Variants in SLC16A1 observed in about 807,000 individuals in gnomAD.
The protein encoded by SLC16A1 is solute carrier family 16 member 1.
Under a neutral mutation model 32.2 loss-of-function variants are expected in SLC16A1, and 11 were observed. That is an observed-to-expected ratio of 0.34 (90% CI 0.21 to 0.56). The LOEUF (loss-of-function observed/expected upper bound fraction) is 0.56, where lower values mean the gene tolerates loss of function less well. SLC16A1 is among the 20% of genes least tolerant of loss of function. The pLI is 0.87. For missense variants in SLC16A1, 435 were observed against 615.0 expected, an observed-to-expected ratio of 0.71 and a Z score of 3.10; for synonymous variants, 231 against 226.8, an observed-to-expected ratio of 1.02 and a Z score of -0.17.
chr1:112,948,236 G>GA (rs907732502), intron 1 of SLC16A1, among the ~76,000 whole-genome samples: 17 of 145,912 alleles, frequency 1.2e-4, no homozygotes, highest in East Asian at 4.0e-4. Flanking sequence ...CGGCGGGGGA[G>GA]AAAAAAAAAA....
intron 2 of SLC16A1, chr1:112,923,586 C>T: frequency 7.4e-7 from 1 of 1,358,486 alleles, no homozygotes; most frequent in South Asian, 1.2e-5. Context: ...CAAGGCCAAT[C>T]CATTGTTTGG....
Position 112,913,597 on chromosome 1 carries a change from AC to A in SLC16A1, c.*293del, listed in dbSNP as rs1246578515. 1 of 400,092 alleles carries A rather than the reference AC, an allele frequency of 2.5e-6. No individual in the cohort carries two copies. The highest frequency in any genetic ancestry group is 4.9e-5 in the East Asian group (1 of 20,322). The allele number at this position is 400,092 out of a possible 1,614,324, so 24.8% of individuals were successfully genotyped here. ...GTTAAGGCTCTCTAGAGTTCTAAAG[AC>A]TAAAACTTAAGGCACATATTATAAT... On this transcript the variant is annotated 3_prime_UTR_variant, in exon 5 of 5. Coordinates refer to ENST00000369626, the MANE Select transcript of SLC16A1 (RefSeq NM_003051.4).
chr1:112,923,392 C>T (rs755798822), intron 2 of SLC16A1: 25 of 614,284 alleles, frequency 4.1e-5, no homozygotes, highest in African/African-American at 5.4e-5. Flanking sequence ...ACGTTGCTCC[C>T]GGGCTGTCGC....
At chr1:112,924,453 G>A (rs886742331) in intron 2 of SLC16A1, 14 of 811,354 alleles carry the variant, frequency 1.7e-5, no homozygotes, top group Non-Finnish European at 2.9e-5. Context: ...GAAGTATTTG[G>A]ACAAAAACCT....
chr1:112,945,546 G>A (rs1319521675), intron 1 of SLC16A1, among the ~76,000 whole-genome samples: 1 of 151,152 alleles, frequency 6.6e-6, no homozygotes, highest in African/African-American at 2.4e-5. Flanking sequence ...ATGGTGGCGG[G>A]TGCCTGTAAT....
At chr1:112,920,985 C>T (rs1648706103) in intron 3 of SLC16A1, among the ~76,000 whole-genome samples, 1 of 151,526 alleles carries the variant, frequency 6.6e-6, no homozygotes, top group Non-Finnish European at 1.5e-5. Context: ...AAAAAAAATA[C>T]AAAAAATTAG....
Position 112,914,194 on chromosome 1 carries a change from G to T in SLC16A1, c.1229-29C>A, listed in dbSNP as rs758586702. The T allele has an allele frequency of 5.0e-6, 8 of 1,613,388 alleles. No individual in the cohort carries two copies. In the South Asian group the frequency reaches 8.8e-5, roughly 18 times the overall value. On this transcript the variant is annotated intron_variant, in intron 4 of 4. Transcript: ENST00000369626. ...AATATGTAAAACAACACAAACAGTT[G>T]TTTCTAAGAGTAAACAGTTTTTTTT...
intron 2 of SLC16A1, among the ~76,000 whole-genome samples, chr1:112,923,171 T>C (rs961228538): frequency 1.3e-5 from 2 of 151,510 alleles, no homozygotes; most frequent in African/African-American, 2.4e-5. Context: ...AATACAAAAT[T>C]AGCTGGGCGT....
chr1:112,945,892 T>C (rs532212925), intron 1 of SLC16A1, among the ~76,000 whole-genome samples: 5 of 151,964 alleles, frequency 3.3e-5, no homozygotes, highest in Admixed American at 3.3e-4. Flanking sequence ...CTAGGGAAGC[T>C]GAGGCAGGAG....
In SLC16A1 at chr1:112,939,795, G is replaced by A. The variant is rs117032996; in HGVS notation, c.-44-10443C>T. 5.5e-4 allele frequency among the ~76,000 whole-genome samples: 83 copies of A among 152,134 alleles called. 1 individual carries two copies. The East Asian group carries it at 0.014, about 26-fold the overall frequency. On this transcript the variant is annotated intron_variant, in intron 1 of 4. Coordinates refer to ENST00000369626, the MANE Select transcript of SLC16A1 (RefSeq NM_003051.4). Reference sequence around the variant, plus strand: ...ATTGGGATTACAGGCGTTAGCCACCGTGCCCTGCATTTGTCAGCTTTTTAA... The same window carrying A: ...ATTGGGATTACAGGCGTTAGCCACCATGCCCTGCATTTGTCAGCTTTTTAA...
chr1:112,937,535 G>GA lies in SLC16A1; in HGVS notation c.-44-8184dup, dbSNP rs950350144. ...TTAAAAATACTGATGGTACATAACT[G>GA]AAAAAAAAAAGTCAGTTAATATTAT... is the stretch of plus-strand genomic sequence containing the variant. On this transcript the variant is annotated intron_variant, in intron 1 of 4. Transcript: ENST00000369626. Among the ~76,000 whole-genome samples, 98 of 147,564 alleles carry GA rather than the reference G, an allele frequency of 6.6e-4. No individual in the cohort carries two copies. The Middle Eastern group carries it at 0.014, about 21-fold the overall frequency.
chr1:112,938,272 T>G (rs1429617768), intron 1 of SLC16A1, among the ~76,000 whole-genome samples: 1 of 152,190 alleles, frequency 6.6e-6, no homozygotes, highest in Non-Finnish European at 1.5e-5. Flanking sequence ...AAAGGCTGAT[T>G]TCCTGAAGCT....
At chr1:112,937,526 T>C (rs182775854) in intron 1 of SLC16A1, among the ~76,000 whole-genome samples, 110 of 152,188 alleles carry the variant, frequency 7.2e-4, no homozygotes, top group African/African-American at 2.6e-3. Context: ...ATACTGATGG[T>C]ACATAACTGA....
chr1:112,953,512 T>A (rs966674875), intron 1 of SLC16A1, among the ~76,000 whole-genome samples: 3 of 152,160 alleles, frequency 2.0e-5, no homozygotes, highest in Non-Finnish European at 4.4e-5. Context: ...TCCTTTAAAA[T>A]TTTTTTACCC....
chr1:112,918,103 A>G (rs1648584966), intron 3 of SLC16A1, 59 bp from the exon 4 acceptor site: 2 of 940,880 alleles, frequency 2.1e-6, no homozygotes, highest in Admixed American at 4.4e-5. Flanking sequence ...TAAATAAATA[A>G]TAAGAGGTAT....
intron 3 of SLC16A1, 46 bp from the exon 4 acceptor site, chr1:112,918,090 A>G: frequency 3.6e-6 from 4 of 1,122,444 alleles, no homozygotes; most frequent in Middle Eastern, 3.4e-4. Context: ...ATAAATAAAT[A>G]AATAAATAAA....
rs562149487 is a variant in SLC16A1 at position 112,949,126 on chromosome 1, G to A, written c.-45+6909C>T. On this transcript the variant is annotated intron_variant, in intron 1 of 4. Transcript: ENST00000369626. ...CTGCCTCGCACTCCCAAAGTGCTGG[G>A]ATTACCTCCACCTCTCAGGTTCAAG... 5.3e-5 allele frequency among the ~76,000 whole-genome samples: 8 copies of A among 151,782 alleles called. No homozygotes were observed. In the East Asian group the frequency reaches 1.6e-3, roughly 30 times the overall value.
rs1336767970 is a variant in SLC16A1, at chr1:112,912,585, T to C, written c.*1306A>G. 2 of 152,160 alleles carry C rather than the reference T, an allele frequency of 1.3e-5. No homozygotes were observed. Among genetic ancestry groups the C allele is most frequent in the East Asian group, 3.8e-4 (2 of 5,202 alleles). 9.4% of individuals were successfully genotyped at this position (152,160 alleles called of 1,614,324 possible). A position where few individuals can be genotyped will look rare whatever the true frequency, so the allele number is the denominator to read the frequency against. On this transcript the variant is annotated 3_prime_UTR_variant, in exon 5 of 5. Coordinates refer to ENST00000369626, the MANE Select transcript of SLC16A1 (RefSeq NM_003051.4). The stretch of plus-strand genomic sequence containing the variant: ...TTATACTGAATCCATTTCTCTACTT[T>C]TCAGGTAAGTGAAAGGGGTCACAAA...
chr1:112,915,588 G>C (rs1220415960), intron 4 of SLC16A1, among the ~76,000 whole-genome samples: 5 of 152,192 alleles, frequency 3.3e-5, no homozygotes, highest in Admixed American at 3.3e-4. Context: ...AGACTTCAAG[G>C]AGACTGAAGA....
Sources: gnomAD v4.1 joint callset for allele counts (sites outside exome capture counted in the v4.1 genomes callset) on GRCh38, gnomAD v4.1.1 for gene constraint, MANE v1.5 for transcripts, NCBI Gene and HGNC (gene_info 2026-07-23, HGNC 2026-07-21) for gene names.